The following EXT1 variants were observed in gnomAD, a reference collection of about 807,000 sequenced individuals.
The protein encoded by EXT1 is exostosin glycosyltransferase 1.
In EXT1, 20 loss-of-function variants were observed where a neutral mutation model predicts 82.5. The ratio of observed to expected loss-of-function variants is 0.24; its 90% CI spans 0.17 to 0.35. The LOEUF (loss-of-function observed/expected upper bound fraction) is 0.35. Ranked by LOEUF, EXT1 falls within the 10% of genes least tolerant of loss-of-function variation. The pLI is 1.00. For synonymous variants in EXT1, 348 were observed against 350.8 expected (o/e 0.99, Z 0.09); for missense variants, 757 against 936.5 (o/e 0.81, Z 2.50).
intron 1 of EXT1, among the ~76,000 whole-genome samples, chr8:117,882,045 C>T (rs1480527413): frequency 6.6e-6 from 1 of 152,124 alleles, no homozygotes; most frequent in African/African-American, 2.4e-5. Flanking sequence ...AACCTGTAAC[C>T]AGACAAAACC....
chr8:118,060,123 C>A (rs957225517), intron 1 of EXT1, among the ~76,000 whole-genome samples: 3 of 152,192 alleles, frequency 2.0e-5, no homozygotes, highest in African/African-American at 7.2e-5. Flanking sequence ...GACAAATAAA[C>A]AACTCTCAGG....
intron 7 of EXT1, among the ~76,000 whole-genome samples, chr8:117,814,970 T>C (rs1410541787): frequency 1.3e-5 from 2 of 152,204 alleles, no homozygotes; most frequent in African/African-American, 4.8e-5. Context: ...TCAAGGGACA[T>C]AGCTGTAGCA....
rs530075499 is a variant in EXT1 at position 117,913,022 on chromosome 8, G to A, written c.963-75821C>T. Among the ~76,000 whole-genome samples, 17 of 152,180 alleles carry A rather than the reference G, an allele frequency of 1.1e-4. No homozygotes were observed. The South Asian group carries it at 2.1e-3, about 19-fold the overall frequency. On this transcript the variant is annotated intron_variant, in intron 1 of 10. Transcript: ENST00000378204. ...GTGGATCACTGAAGGTCAGGAGTTC[G>A]AGACCAGCCTGGACAACATGTTAAA... is the stretch of plus-strand genomic sequence containing the variant.
At chr8:117,908,926 C>A (rs1411073982) in intron 1 of EXT1, among the ~76,000 whole-genome samples, 2 of 151,820 alleles carry the variant, frequency 1.3e-5, no homozygotes, top group African/African-American at 4.8e-5. Flanking sequence ...GAGTTCAAAA[C>A]CAGCCTGGGC....
intron 1 of EXT1, among the ~76,000 whole-genome samples, chr8:117,908,398 G>A (rs1813580762): frequency 6.6e-6 from 1 of 152,174 alleles, no homozygotes; most frequent in East Asian, 1.9e-4. Context: ...GGGAGGCTGA[G>A]GCAGGAAGAT....
At chr8:118,079,713 C>G (rs1692071892) in intron 1 of EXT1, among the ~76,000 whole-genome samples, 1 of 146,336 alleles carries the variant, frequency 6.8e-6, no homozygotes, top group Admixed American at 7.0e-5. Flanking sequence ...GGCCAAAGAC[C>G]CTAGTCAAGT....
intron 1 of EXT1, among the ~76,000 whole-genome samples, chr8:118,043,954 C>T (rs556625289): frequency 2.6e-5 from 4 of 152,150 alleles, no homozygotes; most frequent in Non-Finnish European, 5.9e-5. Flanking sequence ...ATCTCATCAA[C>T]TCTTTTTAAG....
intron 1 of EXT1, among the ~76,000 whole-genome samples, chr8:117,930,027 C>T (rs1372402772): frequency 6.6e-6 from 1 of 152,040 alleles, no homozygotes; most frequent in Non-Finnish European, 1.5e-5. Context: ...CTTGCTTGAA[C>T]CTGGGAGGCG....
rs566715168 is a variant in EXT1 at position 117,968,268 on chromosome 8, G to A, written c.963-131067C>T. ...CTACAGGCACACAACACCGTGCCCA[G>A]CTAATTATTTTGAAATTTTTAGTAG... On this transcript the variant is annotated intron_variant, in intron 1 of 10. Coordinates refer to ENST00000378204, the MANE Select transcript of EXT1 (RefSeq NM_000127.3). 3.9e-5 allele frequency among the ~76,000 whole-genome samples: 6 copies of A among 152,064 alleles called. No homozygotes were observed. In the South Asian group the frequency reaches 1.3e-3, roughly 32 times the overall value.
chr8:117,977,008 G>T (rs1021321870), intron 1 of EXT1, among the ~76,000 whole-genome samples: 5 of 152,152 alleles, frequency 3.3e-5, no homozygotes, highest in Non-Finnish European at 7.3e-5. Flanking sequence ...AAAATCTTTG[G>T]AACTGATCAT....
chr8:118,091,284 A>G (rs990752408), intron 1 of EXT1, among the ~76,000 whole-genome samples: 1 of 152,202 alleles, frequency 6.6e-6, no homozygotes, highest in African/African-American at 2.4e-5. Flanking sequence ...AATCAAAGGC[A>G]TGAGTTATTT....
chr8:117,809,640 A>C (rs1479707655), intron 8 of EXT1, among the ~76,000 whole-genome samples: 2 of 152,036 alleles, frequency 1.3e-5, no homozygotes, highest in Non-Finnish European at 2.9e-5. Context: ...CCGTCAAAAA[A>C]AAAAAAAAAA....
At chr8:118,059,623 G>A (rs1006435240) in intron 1 of EXT1, among the ~76,000 whole-genome samples, 1 of 152,218 alleles carries the variant, frequency 6.6e-6, no homozygotes, top group Admixed American at 6.5e-5. Context: ...TCCGTTCCCT[G>A]CTATGGTCCC....
intron 1 of EXT1, among the ~76,000 whole-genome samples, chr8:118,100,865 A>G (rs1586274290): frequency 6.6e-6 from 1 of 152,040 alleles, no homozygotes; most frequent in Non-Finnish European, 1.5e-5. Flanking sequence ...GATCCCCCTC[A>G]ACTGCTTCCA....
intron 1 of EXT1, among the ~76,000 whole-genome samples, chr8:118,094,815 C>G (rs1192127786): frequency 6.6e-6 from 1 of 152,190 alleles, no homozygotes; most frequent in Non-Finnish European, 1.5e-5. Flanking sequence ...CGGATTCGGT[C>G]ACAACTACAT....
At chr8:118,071,429 T>C (rs1817090898) in intron 1 of EXT1, among the ~76,000 whole-genome samples, 1 of 152,218 alleles carries the variant, frequency 6.6e-6, no homozygotes, top group East Asian at 1.9e-4. Context: ...AGTGAGTTTT[T>C]TACTGTTAAA....
intron 1 of EXT1, among the ~76,000 whole-genome samples, chr8:118,070,847 A>C (rs754575161): frequency 6.6e-6 from 1 of 152,208 alleles, no homozygotes; most frequent in Admixed American, 6.5e-5. Flanking sequence ...GGATCTCAAG[A>C]GGTATGAGCA....
At chr8:117,802,487 T>G (rs1823183455) in intron 10 of EXT1, among the ~76,000 whole-genome samples, 1 of 152,204 alleles carries the variant, frequency 6.6e-6, no homozygotes, top group African/African-American at 2.4e-5. Context: ...ACACAAATAT[T>G]TATCACTGTG....
chr8:118,111,371 AGGGG>A lies in EXT1; in HGVS notation c.-329_-326del, dbSNP rs1554601612. ...ACAAGACGGAGGAAAAGAAAGAGAGAGGGGAGAAAAAAAAAGCTCCCGATACCCA... is the reference window on the plus strand; with the variant it reads ...ACAAGACGGAGGAAAAGAAAGAGAGAAGAAAAAAAAAGCTCCCGATACCCA... On this transcript the variant is annotated 5_prime_UTR_variant, in exon 1 of 11. Coordinates refer to ENST00000378204, the MANE Select transcript of EXT1 (RefSeq NM_000127.3). The A allele has an allele frequency of 3.5e-6, 2 of 564,536 alleles. No homozygotes were observed. The highest frequency in any genetic ancestry group is 3.1e-6 in the Non-Finnish European group (1 of 319,434). The allele number at this position is 564,536 out of a possible 1,614,324, so 35.0% of individuals were successfully genotyped here. A position where few individuals can be genotyped will look rare whatever the true frequency, so the allele number is the denominator to read the frequency against.
Sources: gnomAD v4.1 joint callset for allele counts (sites outside exome capture counted in the v4.1 genomes callset) on GRCh38, gnomAD v4.1.1 for gene constraint, MANE v1.5 for transcripts, NCBI Gene and HGNC (gene_info 2026-07-23, HGNC 2026-07-21) for gene names.